The following ITSN2 variants were observed in gnomAD, a reference collection of about 807,000 sequenced individuals.
The protein encoded by ITSN2 is intersectin 2.
Under a neutral mutation model 243.7 loss-of-function variants are expected in ITSN2, and 156 were observed. The ratio of observed to expected loss-of-function variants is 0.64; its 90% CI spans 0.56 to 0.73. ITSN2 has a LOEUF of 0.73. Ranked by LOEUF, ITSN2 falls within the 30% of genes least tolerant of loss-of-function variation. The pLI, the probability that ITSN2 is intolerant of heterozygous loss-of-function variation, is 0.00. For synonymous variants in ITSN2, 703 were observed against 699.9 expected, an observed-to-expected ratio of 1.00 and a Z score of -0.07; for missense variants, 1,801 against 1,996.1, an observed-to-expected ratio of 0.90 and a Z score of 1.86.
chr2:24,299,810 A>C, intron 12 of ITSN2, 99 bp downstream of exon 12: 1 of 1,057,528 alleles, frequency 9.5e-7, no homozygotes, highest in South Asian at 1.6e-5. Flanking sequence ...AGCAAAAGGC[A>C]AAACAAAAAT....
rs6746005 is a variant in ITSN2, at chr2:24,211,476, G to A, written c.4090-529C>T. On this transcript the variant is annotated intron_variant, in intron 33 of 39. Coordinates refer to ENST00000355123, the MANE Select transcript of ITSN2 (RefSeq NM_006277.3). The surrounding 1 kb of genome is among the most constrained non-coding windows in gnomAD (Gnocchi z 4.1). The stretch of plus-strand genomic sequence containing the variant: ...AAATGCATTCTGTTCATTCTGAAGC[G>A]ATTTCAAACGACGCATGCTGCAACT... 0.64 allele frequency among the ~76,000 whole-genome samples: 96,962 copies of A among 152,076 alleles called. 31,347 individuals carry two copies. The highest frequency in any genetic ancestry group is 0.77 in the East Asian group (3,966 of 5,174).
At chr2:24,357,377 C>T (rs1688541175) in intron 1 of ITSN2, among the ~76,000 whole-genome samples, 1 of 152,096 alleles carries the variant, frequency 6.6e-6, no homozygotes, top group Non-Finnish European at 1.5e-5. Context: ...AACACAGGAA[C>T]AGAAAATCAA....
At position 24,289,275 on chromosome 2, in the gene ITSN2, C is replaced by A. The variant is rs189242706; in HGVS notation, c.1724-2924G>T. On this transcript the variant is annotated intron_variant, in intron 15 of 39. Coordinates refer to ENST00000355123, the MANE Select transcript of ITSN2 (RefSeq NM_006277.3). Reference sequence around the variant, plus strand: ...GGAGTATCTTTCCATTTATTTATGTCTTTTTCAATTTCTCCCATCAATTAG... The same window carrying A: ...GGAGTATCTTTCCATTTATTTATGTATTTTTCAATTTCTCCCATCAATTAG... 1.3e-4 allele frequency among the ~76,000 whole-genome samples: 20 copies of A among 152,188 alleles called. No individual in the cohort carries two copies. In the East Asian group the frequency reaches 3.7e-3, roughly 28 times the overall value.
At chr2:24,236,871 T>A (rs1016056736) in intron 29 of ITSN2, among the ~76,000 whole-genome samples, 1 of 151,502 alleles carries the variant, frequency 6.6e-6, no homozygotes, top group African/African-American at 2.4e-5. Flanking sequence ...ATTTTTTATT[T>A]TTTTTTGTAG....
intron 2 of ITSN2, among the ~76,000 whole-genome samples, chr2:24,325,529 GA>G (rs1685075794): frequency 6.6e-6 from 1 of 152,088 alleles, no homozygotes; most frequent in Non-Finnish European, 1.5e-5. Flanking sequence ...AGAACCCTTT[GA>G]AAAGGCAAAA....
chr2:24,298,617 G>T, intron 13 of ITSN2, 48 bp downstream of exon 13: 2 of 1,541,382 alleles, frequency 1.3e-6, no homozygotes. Flanking sequence ...TTTTCAACAG[G>T]TAGCTCCATC....
At chr2:24,267,930 G>A (rs770985787) in intron 20 of ITSN2, among the ~76,000 whole-genome samples, 10 of 152,078 alleles carry the variant, frequency 6.6e-5, no homozygotes, top group South Asian at 4.1e-4. Context: ...GAAAAATCTC[G>A]TTCATTTATT....
intron 2 of ITSN2, among the ~76,000 whole-genome samples, chr2:24,327,267 T>A (rs2151835765): frequency 6.6e-6 from 1 of 152,192 alleles, no homozygotes; most frequent in African/African-American, 2.4e-5. Flanking sequence ...CTTTTCATTA[T>A]TCAAATTACC....
At chr2:24,221,225 C>T (rs968804672) in intron 29 of ITSN2, 159 bp from the exon 30 acceptor site, 17 of 687,738 alleles carry the variant, frequency 2.5e-5, no homozygotes, top group African/African-American at 3.7e-5. Context: ...CATGCGTACG[C>T]GGAGAGTTGG....
At chr2:24,267,912 A>G (rs1676872921) in intron 20 of ITSN2, among the ~76,000 whole-genome samples, 1 of 152,214 alleles carries the variant, frequency 6.6e-6, no homozygotes, top group South Asian at 2.1e-4. Flanking sequence ...TTTCAACCTA[A>G]TCAAGAAGAA....
chr2:24,204,395 T>C lies in ITSN2; in HGVS notation c.4786A>G (p.Ile1596Val), dbSNP rs1668625972. The change falls in exon 39 of 40, where the codon ATC becomes GTC. Residue 1596 changes from isoleucine (I) to valine (V), a missense_variant. This residue lies in a region of ITSN2 where 928 missense variants were observed against 1,065.4 expected (regional missense o/e 0.87). Coordinates refer to ENST00000355123, the MANE Select transcript of ITSN2 (RefSeq NM_006277.3). This position sits in a 1 kb window ranked among gnomAD's most constrained non-coding sequence, Gnocchi z 5.1. ...GTGTAGCTCTGGGAGCCCATGCTGA[T>C]TTCACAGTATGGGTTGCTCTTTCCT... ...PNGKSNPYCEISMGSQSYTTR... is the reference protein window; with the variant it reads ...PNGKSNPYCEVSMGSQSYTTR... 1 of 1,614,056 alleles carries C rather than the reference T, an allele frequency of 6.2e-7. No homozygotes were observed. The highest frequency in any genetic ancestry group is 2.2e-5 in the East Asian group (1 of 44,878).
chr2:24,344,246 A>C (rs917239358), intron 1 of ITSN2, among the ~76,000 whole-genome samples: 2 of 152,176 alleles, frequency 1.3e-5, no homozygotes, highest in Non-Finnish European at 2.9e-5. Context: ...TTTTTTGCCT[A>C]ACAAACCATA....
chr2:24,262,762 T>C (rs935507329), intron 20 of ITSN2, among the ~76,000 whole-genome samples: 2 of 152,188 alleles, frequency 1.3e-5, no homozygotes, highest in African/African-American at 4.8e-5. Flanking sequence ...TTGCAAGATA[T>C]CTTCAAGTGG....
rs1433692056 is a variant in ITSN2, at chr2:24,261,218, G to A, written c.2570C>T (p.Thr857Ile). Residue 857 changes from threonine (T) to isoleucine (I), a missense_variant, in exon 22 of 40, where the codon ACT becomes ATT. Coordinates refer to ENST00000355123, the MANE Select transcript of ITSN2 (RefSeq NM_006277.3). ...TGAAAAAGATACATTTTGATAATCA[G>A]TCACTGATGCTGGTTGATTTGAAGA... ...PLSSNQPASV[T>I]DYQNVSFSNL... The A allele has an allele frequency of 1.2e-6, 2 of 1,612,250 alleles. No homozygotes were observed. Among genetic ancestry groups the A allele is most frequent in the South Asian group, 2.2e-5 (2 of 90,942 alleles).
At chr2:24,263,426 CATT>C (rs1676176632) in intron 20 of ITSN2, among the ~76,000 whole-genome samples, 2 of 152,082 alleles carry the variant, frequency 1.3e-5, no homozygotes, top group Non-Finnish European at 2.9e-5. Flanking sequence ...TCTCAGATAT[CATT>C]AATATAAATT....
intron 1 of ITSN2, among the ~76,000 whole-genome samples, chr2:24,338,808 C>T (rs565444062): frequency 1.6e-4 from 25 of 152,060 alleles, no homozygotes; most frequent in Non-Finnish European, 3.4e-4. Flanking sequence ...CCAGGCAACA[C>T]AGCAAGACCC....
intron 1 of ITSN2, among the ~76,000 whole-genome samples, chr2:24,349,637 A>AT (rs1178727235): frequency 6.6e-6 from 1 of 152,076 alleles, no homozygotes; most frequent in South Asian, 2.1e-4. Context: ...TTCCCAAACT[A>AT]TTTTTTTAAA....
Position 24,204,036 on chromosome 2 carries a change from G to A in ITSN2, c.4936+209C>T. On this transcript the variant is annotated intron_variant, in intron 39 of 39. Coordinates refer to ENST00000355123, the MANE Select transcript of ITSN2 (RefSeq NM_006277.3). This position sits in a 1 kb window ranked among gnomAD's most constrained non-coding sequence, Gnocchi z 5.1. ...GTGGTGTTCACGTCGTGTGTGTAGG[G>A]AGTGATGGGTCAAAGACCTGAAACA... 2 of 632,116 alleles carry A rather than the reference G, an allele frequency of 3.2e-6. No homozygotes were observed. The highest frequency in any genetic ancestry group is 2.9e-5 in the Admixed American group (1 of 34,116). 39.2% of individuals were successfully genotyped at this position (632,116 alleles called of 1,614,324 possible).
rs997863629 is a variant in ITSN2 at position 24,204,443 on chromosome 2, CAT to C, written c.4763-27_4763-26del. On this transcript the variant is annotated intron_variant, in intron 38 of 39. Coordinates refer to ENST00000355123, the MANE Select transcript of ITSN2 (RefSeq NM_006277.3). The surrounding 1 kb of genome is among the most constrained non-coding windows in gnomAD (Gnocchi z 5.1). Reference sequence around the variant, plus strand: ...CCTGAACAAAAACAAACCACAGACACATGTGGTGCATGCAGGTAAAACGAAGC... The same window carrying C: ...CCTGAACAAAAACAAACCACAGACACGTGGTGCATGCAGGTAAAACGAAGC... 1.4e-5 allele frequency: 22 copies of C among 1,604,504 alleles called. No individual in the cohort carries two copies. Among genetic ancestry groups the C allele is most frequent in the African/African-American group, 1.1e-4 (8 of 74,758 alleles).
Sources: gnomAD v4.1 joint callset for allele counts (sites outside exome capture counted in the v4.1 genomes callset) on GRCh38, gnomAD v4.1.1 for gene constraint, gnomAD v4.1.1 regional missense constraint, Gnocchi (gnomAD v3.1) non-coding constraint, MANE v1.5 for transcripts, NCBI Gene and HGNC (gene_info 2026-07-23, HGNC 2026-07-21) for gene names.